The following KMT5A variants were observed in gnomAD, a reference collection of about 807,000 sequenced individuals.
KMT5A encodes the protein N-lysine methyltransferase KMT5A.
A neutral mutation model predicts 40.6 loss-of-function variants in KMT5A; 6 were observed. That is an observed-to-expected ratio of 0.15 (90% confidence interval 0.08 to 0.29). The LOEUF is 0.29. Ranked by LOEUF, KMT5A falls within the 10% of genes least tolerant of loss-of-function variation. The pLI is 1.00. For synonymous variants in KMT5A, 153 were observed against 178.8 expected (o/e 0.86, Z 1.15); for missense variants, 308 against 459.1 (o/e 0.67, Z 3.01).
chr12:123,396,386 T>C lies in KMT5A; in HGVS notation c.551T>C (p.Phe184Ser), dbSNP rs767907508. 2 of 1,614,010 alleles carry C rather than the reference T, an allele frequency of 1.2e-6. No homozygotes were observed. Among genetic ancestry groups the C allele is most frequent in the Non-Finnish European group, 1.7e-6 (2 of 1,180,010 alleles). ...CAACAGAATCGCAAACTTACGGATT[T>C]CTACCCTGTCCGAAGGAGCTCCAGG... is the stretch of plus-strand genomic sequence containing the variant. ...KTQQNRKLTD[F>S]YPVRRSSRKS... The change falls in exon 5 of 8, where the codon TTC (phenylalanine) becomes TCC (serine). Residue 184 changes from phenylalanine (F) to serine (S), a missense_variant. Physicochemically the swap from Phe to Ser is radical, Grantham distance 155. Coordinates refer to ENST00000402868, the MANE Select transcript of KMT5A (RefSeq NM_020382.7).
At chr12:123,404,706 C>T (rs140278598) in intron 6 of KMT5A, among the ~76,000 whole-genome samples, 178 bp from the exon 7 acceptor site, 55 of 152,242 alleles carry the variant, frequency 3.6e-4, no homozygotes, top group African/African-American at 1.3e-3. Flanking sequence ...GTGACGGTTG[C>T]ACAGCTGTAT....
chr12:123,391,148 T>A, intron 3 of KMT5A: 1 of 194,636 alleles, frequency 5.1e-6, no homozygotes, highest in Non-Finnish European at 1.1e-5. Context: ...AATGTGTTCA[T>A]GTAGGGAACT....
At chr12:123,406,227 C>G (rs1331508129) in intron 7 of KMT5A, among the ~76,000 whole-genome samples, 1 of 152,234 alleles carries the variant, frequency 6.6e-6, no homozygotes, top group Admixed American at 6.5e-5. Flanking sequence ...CCTGGCTCTC[C>G]TTCAGGGCAT....
At chr12:123,407,366 AT>A (rs1318231773) in intron 7 of KMT5A, 126 bp from the exon 8 acceptor site, 2 of 937,640 alleles carry the variant, frequency 2.1e-6, no homozygotes, top group Admixed American at 5.1e-5. Context: ...AGCTTTATGA[AT>A]TGAATCTTTT....
At chr12:123,389,208 G>GA (rs1396560823) in intron 1 of KMT5A, 22 of 137,894 alleles carry the variant, frequency 1.6e-4, no homozygotes, top group Non-Finnish European at 3.0e-4. Context: ...CCGGCCGCGC[G>GA]GGGGGCGGGC....
In KMT5A at chr12:123,384,372, C is replaced by A. The variant is rs1593449581; in HGVS notation, c.10+164C>A. ...GAGGGGGTGCTGCTGCGGAACCCGC[C>A]GGCCCCCCCTTGCGGCTCCAGATGC... On this transcript the variant is annotated intron_variant, in intron 1 of 7. Coordinates refer to ENST00000402868, the MANE Select transcript of KMT5A (RefSeq NM_020382.7). This position sits in a 1 kb window ranked among gnomAD's most constrained non-coding sequence, Gnocchi z 5.7. Among the ~76,000 whole-genome samples, 1 of 152,164 alleles carries A rather than the reference C, an allele frequency of 6.6e-6. No homozygotes were observed. The highest frequency in any genetic ancestry group is 1.5e-5 in the Non-Finnish European group (1 of 68,022).
chr12:123,397,582 T>C (rs996598771), intron 5 of KMT5A, among the ~76,000 whole-genome samples: 1 of 152,160 alleles, frequency 6.6e-6, no homozygotes, highest in African/African-American at 2.4e-5. Flanking sequence ...TTTGGTTTTA[T>C]TGCCTGAAAA....
At chr12:123,393,824 T>C (rs1877487544) in intron 3 of KMT5A, among the ~76,000 whole-genome samples, 1 of 152,202 alleles carries the variant, frequency 6.6e-6, no homozygotes, top group African/African-American at 2.4e-5. Context: ...GGCTGGATAA[T>C]ACTCCCTTTT....
rs200224189 is a variant in KMT5A, at chr12:123,407,719, C to A, written c.*16C>A. On this transcript the variant is annotated 3_prime_UTR_variant, in exon 8 of 8. Coordinates refer to ENST00000402868, the MANE Select transcript of KMT5A (RefSeq NM_020382.7). ...GAAGCATTAACCGGTGGGCCCCGTG[C>A]CCTCCCCGCCCCACTTTCCCTTCTT... 1.0e-4 allele frequency: 160 copies of A among 1,594,022 alleles called. No homozygotes were observed. The African/African-American group carries it at 1.9e-3, about 18-fold the overall frequency.
Position 123,389,459 on chromosome 12 carries a change from G to T in KMT5A, c.37G>T (p.Val13Leu), listed in dbSNP as rs1593455184. The T allele has an allele frequency of 2.7e-6, 3 of 1,105,352 alleles. No homozygotes were observed. In the East Asian group the frequency reaches 1.7e-4, roughly 63 times the overall value. The allele number at this position is 1,105,352 out of a possible 1,614,324, so 68.5% of individuals were successfully genotyped here. The stretch of plus-strand genomic sequence containing the variant: ...CAGGAAGATGTCCAAGCCCCGCGCG[G>T]TGGAGGCGGCGGCGGCGGCGGCGGC... ...RGRKMSKPRA[V>L]EAAAAAAAVA... The change falls in exon 2 of 8, where the codon GTG becomes TTG. Residue 13 changes from valine (V) to leucine (L), a missense_variant. By Grantham distance (32) the Val-to-Leu change is conservative. Transcript: ENST00000402868.
chr12:123,408,413 G>C lies in KMT5A; in HGVS notation c.*710G>C, dbSNP rs1354885737. On this transcript the variant is annotated 3_prime_UTR_variant, in exon 8 of 8. Coordinates refer to ENST00000402868, the MANE Select transcript of KMT5A (RefSeq NM_020382.7). ...GTTGCTTACCTGCCCTGCTGGGGCAGGGTTTCCTGAAACTGGGTTAATTCT... is the reference window on the plus strand; with the variant it reads ...GTTGCTTACCTGCCCTGCTGGGGCACGGTTTCCTGAAACTGGGTTAATTCT... The C allele has an allele frequency of 6.6e-6, 1 of 152,008 alleles. No homozygotes were observed. Among genetic ancestry groups the C allele is most frequent in the Non-Finnish European group, 1.5e-5 (1 of 67,964 alleles). The allele number at this position is 152,008 out of a possible 1,614,324, so 9.4% of individuals were successfully genotyped here.
rs1182008109 is a variant in KMT5A, at chr12:123,384,331, G to C, written c.10+123G>C. ...TCGGGTGGCTCGGGGCAAGCTTGGG[G>C]ACCCGCGTGGGGGGAGAGGGGGTGC... On this transcript the variant is annotated intron_variant, in intron 1 of 7. Coordinates refer to ENST00000402868, the MANE Select transcript of KMT5A (RefSeq NM_020382.7). The surrounding 1 kb of genome is among the most constrained non-coding windows in gnomAD (Gnocchi z 5.7). 6.6e-6 allele frequency: 9 copies of C among 1,365,852 alleles called. No individual in the cohort carries two copies. Among genetic ancestry groups the C allele is most frequent in the Middle Eastern group, 4.9e-4 (2 of 4,110 alleles). The allele number at this position is 1,365,852 out of a possible 1,614,324, so 84.6% of individuals were successfully genotyped here.
At chr12:123,402,419 G>A (rs1433533375) in intron 5 of KMT5A, among the ~76,000 whole-genome samples, 1 of 152,226 alleles carries the variant, frequency 6.6e-6, no homozygotes, top group Non-Finnish European at 1.5e-5. Context: ...CACATTGCAG[G>A]TGTGGATTGA....
At chr12:123,401,781 C>T (rs1878201683) in intron 5 of KMT5A, among the ~76,000 whole-genome samples, 1 of 152,168 alleles carries the variant, frequency 6.6e-6, no homozygotes, top group South Asian at 2.1e-4. Context: ...GGGGTTTCGC[C>T]ATGTTGGCCA....
intron 7 of KMT5A, among the ~76,000 whole-genome samples, chr12:123,406,701 C>CT (rs1566083920): frequency 6.6e-6 from 1 of 152,080 alleles, no homozygotes; most frequent in Admixed American, 6.6e-5. Flanking sequence ...CCTACCCCAT[C>CT]CCCCCACCCA....
intron 3 of KMT5A, among the ~76,000 whole-genome samples, chr12:123,393,582 C>T (rs543588363): frequency 1.3e-5 from 2 of 152,258 alleles, no homozygotes; most frequent in South Asian, 4.1e-4. Context: ...CTCTCTCACC[C>T]AGGCTGGAGT....
intron 1 of KMT5A, among the ~76,000 whole-genome samples, chr12:123,385,012 C>T (rs1381137873): frequency 6.7e-6 from 1 of 150,260 alleles, no homozygotes; most frequent in Admixed American, 6.6e-5. Flanking sequence ...AAAACTTGAG[C>T]GTGAAAGTTG....
At chr12:123,390,058 T>C (rs1272666555) in intron 2 of KMT5A, 1 of 468,406 alleles carries the variant, frequency 2.1e-6, no homozygotes, top group Middle Eastern at 3.3e-4. Context: ...GCGCTGGCTG[T>C]GGCTCCTGCT....
intron 5 of KMT5A, among the ~76,000 whole-genome samples, chr12:123,399,252 A>G (rs1877969145): frequency 6.6e-6 from 1 of 152,220 alleles, no homozygotes; most frequent in South Asian, 2.1e-4. Context: ...GCGCTTCTCA[A>G]CTGCCCTAGT....
Sources: gnomAD v4.1 joint callset for allele counts (sites outside exome capture counted in the v4.1 genomes callset) on GRCh38, gnomAD v4.1.1 for gene constraint, Gnocchi (gnomAD v3.1) non-coding constraint, MANE v1.5 for transcripts, NCBI Gene and HGNC (gene_info 2026-07-23, HGNC 2026-07-21) for gene names.